MICU3: variants seen among roughly 807,000 people sequenced by gnomAD.
MICU3 encodes the protein mitochondrial calcium uptake 3.
MICU3 carries 62 observed loss-of-function variants against 66.5 expected under a neutral mutation model. The ratio of observed to expected loss-of-function variants is 0.93; its 90% CI spans 0.76 to 1.15. The LOEUF (loss-of-function observed/expected upper bound fraction) is 1.15, where lower values mean the gene tolerates loss of function less well. MICU3 is among the 50% of genes most tolerant of loss of function. The pLI, the probability that MICU3 is intolerant of heterozygous loss-of-function variation, is 0.00. For synonymous variants in MICU3, 308 were observed against 240.7 expected (o/e 1.28, Z -2.59); for missense variants, 779 against 664.4 (o/e 1.17, Z -1.90).
At chr8:17,137,803 G>A in the MICU3 span, among the ~76,000 whole-genome samples, 525 of 140,356 alleles carry the variant, frequency 3.7e-3, 13 homozygotes, top group East Asian at 0.037. Context: ...TGCAACCTCC[G>A]ATTCCCAGAT....
At position 17,114,134 on chromosome 8, in the gene MICU3, A is replaced by G. The variant is rs1802469658; in HGVS notation, c.1299A>G (p.Leu433=). 1 of 1,612,522 alleles carries G rather than the reference A, an allele frequency of 6.2e-7. No individual in the cohort carries two copies. The highest frequency in any genetic ancestry group is 8.5e-7 in the Non-Finnish European group (1 of 1,179,228). The change falls in exon 12 of 15, where the codon TTA becomes TTG. Residue 433 remains leucine (L), a synonymous_variant. Transcript: ENST00000318063. The stretch of plus-strand genomic sequence containing the variant: ...AATTCAGGTCATTTTTCCAGTTTTT[A>G]AACAACCTAGAAGACTTTGCAATAG... ...FDEFRSFFQF[L]NNLEDFAIAL...
chr8:17,057,119 G>A (rs1817065202), intron 1 of MICU3, among the ~76,000 whole-genome samples: 1 of 152,210 alleles, frequency 6.6e-6, no homozygotes, highest in Admixed American at 6.5e-5. Flanking sequence ...ATAACTAGCA[G>A]AGCTTTAAAC....
At chr8:17,095,310 A>G (rs117070978) in intron 8 of MICU3, among the ~76,000 whole-genome samples, 1,844 of 152,050 alleles carry the variant, frequency 0.012, 22 homozygotes, top group Non-Finnish European at 0.017. Context: ...GACTAGATTA[A>G]GGATATATTC....
At chr8:17,137,920 T>C in the MICU3 span, among the ~76,000 whole-genome samples, 1 of 151,768 alleles carries the variant, frequency 6.6e-6, no homozygotes, top group Non-Finnish European at 1.5e-5. Context: ...TTTCACCATA[T>C]TGGCCGGGAT....
intron 8 of MICU3, among the ~76,000 whole-genome samples, chr8:17,097,092 T>C (rs1800787460): frequency 6.6e-6 from 1 of 151,552 alleles, no homozygotes; most frequent in South Asian, 2.1e-4. Context: ...GTAAGCCTTA[T>C]TTTCTAGTTT....
chr8:17,052,853 CT>C (rs1221335570), intron 1 of MICU3, among the ~76,000 whole-genome samples: 1 of 152,070 alleles, frequency 6.6e-6, no homozygotes, highest in Non-Finnish European at 1.5e-5. Context: ...CCATGAACAT[CT>C]TTTTTAGCTA....
chr8:17,078,770 C>G (rs1008550684), intron 4 of MICU3, among the ~76,000 whole-genome samples: 1 of 151,864 alleles, frequency 6.6e-6, no homozygotes, highest in Non-Finnish European at 1.5e-5. Flanking sequence ...TACATAGAAT[C>G]TGAAAGGAAG....
chr8:17,109,595 G>A (rs1013381157), intron 11 of MICU3, among the ~76,000 whole-genome samples: 1 of 152,090 alleles, frequency 6.6e-6, no homozygotes, highest in Non-Finnish European at 1.5e-5. Context: ...ACTATAAAAA[G>A]CTTATGCTAA....
chr8:17,120,185 G>T (rs1246130331), intron 14 of MICU3, 103 bp from the exon 15 acceptor site: 2 of 149,572 alleles, frequency 1.3e-5, no homozygotes, highest in African/African-American at 5.0e-5. Context: ...TGTTTTTATT[G>T]AATTCCTTAC....
chr8:17,048,723 C>T (rs1403431858), intron 1 of MICU3, among the ~76,000 whole-genome samples: 1 of 152,168 alleles, frequency 6.6e-6, no homozygotes, highest in Non-Finnish European at 1.5e-5. Flanking sequence ...TCAAGATATC[C>T]TCTTGCCTCC....
intron 1 of MICU3, among the ~76,000 whole-genome samples, chr8:17,036,287 G>A (rs1005521196): frequency 6.6e-6 from 1 of 152,212 alleles, no homozygotes; most frequent in South Asian, 2.1e-4. Flanking sequence ...GCAGATCTTC[G>A]CTGTGAGTGT....
intron 2 of MICU3, among the ~76,000 whole-genome samples, chr8:17,067,911 T>A (rs1008921295): frequency 6.2e-5 from 6 of 97,554 alleles, no homozygotes; most frequent in African/African-American, 4.0e-4. Context: ...ATCAAATAAA[T>A]GTTGAGATAT....
intron 6 of MICU3, among the ~76,000 whole-genome samples, chr8:17,085,972 T>C (rs1432527673): frequency 6.6e-6 from 1 of 152,120 alleles, no homozygotes; most frequent in Admixed American, 6.6e-5. Flanking sequence ...ATGCCTAGTA[T>C]ATTTTTTTTC....
chr8:17,102,887 AAGT>A (rs758444556), intron 9 of MICU3, among the ~76,000 whole-genome samples: 1 of 152,012 alleles, frequency 6.6e-6, no homozygotes, highest in South Asian at 2.1e-4. Flanking sequence ...GTAAACTGAG[AAGT>A]AGTAGTAGAG....
At chr8:17,060,456 C>T (rs1375734521) in intron 1 of MICU3, among the ~76,000 whole-genome samples, 3 of 151,982 alleles carry the variant, frequency 2.0e-5, no homozygotes, top group Admixed American at 6.6e-5. Context: ...TACAGGCATG[C>T]GTGCACCACC....
chr8:17,060,459 G>C (rs931770334), intron 1 of MICU3, among the ~76,000 whole-genome samples: 76 of 152,042 alleles, frequency 5.0e-4, no homozygotes, highest in African/African-American at 1.7e-3. Flanking sequence ...AGGCATGCGT[G>C]CACCACCACA....
chr8:17,095,266 A>G (rs1800546877), intron 8 of MICU3, among the ~76,000 whole-genome samples: 1 of 151,880 alleles, frequency 6.6e-6, no homozygotes. Flanking sequence ...GTGGGCATAC[A>G]ATTGTTGGAA....
At chr8:17,066,255 T>A (rs1283273012) in intron 2 of MICU3, among the ~76,000 whole-genome samples, 1 of 151,798 alleles carries the variant, frequency 6.6e-6, no homozygotes, top group Non-Finnish European at 1.5e-5. Flanking sequence ...AATATTTATA[T>A]GTCTGCTTCT....
intron 1 of MICU3, among the ~76,000 whole-genome samples, chr8:17,031,896 C>T (rs1812135712): frequency 6.6e-6 from 1 of 152,170 alleles, no homozygotes; most frequent in African/African-American, 2.4e-5. Context: ...TCTCTACTTT[C>T]AGATAATGTC....
Sources: allele counts gnomAD v4.1 joint callset (sites outside exome capture counted in the v4.1 genomes callset), GRCh38; gene constraint gnomAD v4.1.1; transcripts MANE v1.5; gene names NCBI Gene and HGNC (gene_info 2026-07-23, HGNC 2026-07-21).